The following LAMA2 variants were observed in gnomAD, a reference collection of about 807,000 sequenced individuals.
The protein encoded by LAMA2 is laminin subunit alpha 2, also known as laminin subunit alpha-2.
In LAMA2, 269 loss-of-function variants were observed where a neutral mutation model predicts 364.8. The observed-to-expected ratio is 0.74, with a 90% CI of 0.67 to 0.82. LAMA2 has a LOEUF of 0.82. Among genes scored for constraint, LAMA2 ranks in the 40% least tolerant of loss-of-function variants. The pLI is 0.00. For synonymous variants in LAMA2, 1,379 were observed against 1,370.6 expected (o/e 1.01, Z -0.14); for missense variants, 3,807 against 3,873.2 (o/e 0.98, Z 0.45).
chr6:129,504,911 C>G (rs1241325339), intron 60 of LAMA2, among the ~76,000 whole-genome samples: 1 of 152,208 alleles, frequency 6.6e-6, no homozygotes, highest in Non-Finnish European at 1.5e-5. Context: ...ACATTCCTCC[C>G]TCTCCACACA....
chr6:129,315,568 GATT>G lies in LAMA2; in HGVS notation c.3649_3651del (p.Ile1217del). 1 of 1,614,170 alleles carries G rather than the reference GATT, an allele frequency of 6.2e-7. No homozygotes were observed. The highest frequency in any genetic ancestry group is 8.5e-7 in the Non-Finnish European group (1 of 1,180,008). Reference sequence around the variant, plus strand: ...AGGGCATTGTTTTTCAACATCCAGAGATTGTTGCCCACATGGACCTGATGAGAG... The same window carrying G: ...AGGGCATTGTTTTTCAACATCCAGAGGTTGCCCACATGGACCTGATGAGAG... On this transcript the variant is annotated inframe_deletion, in exon 25 of 65. Transcript: ENST00000421865.
At chr6:129,291,048 AAACT>A (rs1789659962) in intron 19 of LAMA2, among the ~76,000 whole-genome samples, 1 of 152,228 alleles carries the variant, frequency 6.6e-6, no homozygotes, top group Non-Finnish European at 1.5e-5. Flanking sequence ...TAAATCAAAA[AAACT>A]AACTAAATTT....
chr6:129,121,657 G>A (rs779028053), intron 4 of LAMA2, among the ~76,000 whole-genome samples: 1 of 152,108 alleles, frequency 6.6e-6, no homozygotes, highest in Non-Finnish European at 1.5e-5. Context: ...AAGTCATCTT[G>A]TTAGTGAATC....
chr6:128,915,084 G>A (rs1199350394), intron 1 of LAMA2, among the ~76,000 whole-genome samples: 1 of 152,140 alleles, frequency 6.6e-6, no homozygotes, highest in Non-Finnish European at 1.5e-5. Flanking sequence ...GTAGAGATAA[G>A]GTTGAGATGG....
intron 32 of LAMA2, among the ~76,000 whole-genome samples, chr6:129,360,623 C>G (rs1159383191): frequency 1.3e-5 from 2 of 152,048 alleles, no homozygotes; most frequent in South Asian, 4.1e-4. Flanking sequence ...ACTTTGTTCC[C>G]CAAAAAGCAA....
At chr6:129,505,571 C>T (rs978326006) in intron 61 of LAMA2, among the ~76,000 whole-genome samples, 6 of 152,026 alleles carry the variant, frequency 3.9e-5, no homozygotes, top group African/African-American at 9.7e-5. Context: ...TGCAGTGGTG[C>T]GATCTTGGCT....
intron 37 of LAMA2, among the ~76,000 whole-genome samples, chr6:129,396,204 C>T (rs1779608234): frequency 6.6e-6 from 1 of 152,164 alleles, no homozygotes; most frequent in Admixed American, 6.5e-5. Flanking sequence ...CCTACCATAT[C>T]AAGGTACTGT....
In LAMA2 at chr6:129,512,486, A is replaced by G. The variant is rs980148104; in HGVS notation, c.8981A>G (p.Asp2994Gly). The part of the protein sequence containing the change: ...KMDGMGIEMI[D>G]EKLMFHVDNG... ...GATGGAATGGGTATTGAAATGATTG[A>G]TGAAAAGGTGAGTGTCAGCAATGCA... is the stretch of plus-strand genomic sequence containing the variant. Residue 2994 changes from aspartate to glycine, a missense_variant, in exon 63 of 65, where the codon GAT (aspartate) becomes GGT (glycine). By Grantham distance (94) the Asp-to-Gly change is moderately conservative (BLOSUM62 -1). This residue lies in a region of LAMA2 where 3,333 missense variants were observed against 3,345.7 expected (regional missense o/e 1.00). Coordinates refer to ENST00000421865, the MANE Select transcript of LAMA2 (RefSeq NM_000426.4). 1.2e-6 allele frequency: 2 copies of G among 1,613,544 alleles called. No homozygotes were observed. Among genetic ancestry groups the G allele is most frequent in the South Asian group, 1.1e-5 (1 of 91,066 alleles).
At chr6:129,130,029 C>T (rs1263180286) in intron 4 of LAMA2, among the ~76,000 whole-genome samples, 1 of 151,694 alleles carries the variant, frequency 6.6e-6, no homozygotes, top group African/African-American at 2.4e-5. Context: ...ATTTCAGCTA[C>T]AGCACATTAT....
chr6:129,008,470 C>T (rs914969611), intron 1 of LAMA2, among the ~76,000 whole-genome samples: 1 of 151,980 alleles, frequency 6.6e-6, no homozygotes, highest in Non-Finnish European at 1.5e-5. Flanking sequence ...TTATCATAAC[C>T]CTGGGAGAGT....
intron 1 of LAMA2, among the ~76,000 whole-genome samples, chr6:128,982,824 A>G (rs1782976815): frequency 7.6e-6 from 1 of 132,022 alleles, no homozygotes; most frequent in Non-Finnish European, 1.5e-5. Context: ...ATGTGTTCTC[A>G]TTGTTCAATT....
chr6:129,486,194 G>A (rs1784575793), intron 55 of LAMA2, among the ~76,000 whole-genome samples: 1 of 152,164 alleles, frequency 6.6e-6, no homozygotes, highest in Non-Finnish European at 1.5e-5. Flanking sequence ...ATAAGTTAGA[G>A]GACCAACGCA....
chr6:129,174,983 C>T (rs988037339), intron 9 of LAMA2, among the ~76,000 whole-genome samples: 1 of 152,158 alleles, frequency 6.6e-6, no homozygotes. Context: ...ACATGAAGTA[C>T]TTCTACATTT....
At chr6:129,269,164 G>C (rs1787740654) in intron 16 of LAMA2, among the ~76,000 whole-genome samples, 1 of 152,006 alleles carries the variant, frequency 6.6e-6, no homozygotes, top group South Asian at 2.1e-4. Flanking sequence ...TTCTGCAATA[G>C]TGTAGGTCTA....
chr6:129,445,771 ATC>A lies in LAMA2; in HGVS notation c.6383_6384del (p.Ser2128Ter). The A allele has an allele frequency of 6.2e-7, 1 of 1,613,842 alleles. No individual in the cohort carries two copies. The part of the protein sequence containing the change: ...KELEDNLKKN[I>X]SEIKELINQA... Reference sequence around the variant, plus strand: ...ACTTGAGGATAACCTAAAGAAAAACATCTCTGAGATAAAGGAATTGATAAACC... The same window carrying A: ...ACTTGAGGATAACCTAAAGAAAAACATCTGAGATAAAGGAATTGATAAACC... On this transcript the variant is annotated frameshift_variant, in exon 45 of 65. Transcript: ENST00000421865. LOFTEE classifies it high-confidence loss of function.
At chr6:129,126,419 C>T (rs1275803149) in intron 4 of LAMA2, among the ~76,000 whole-genome samples, 2 of 152,106 alleles carry the variant, frequency 1.3e-5, no homozygotes, top group Non-Finnish European at 2.9e-5. Flanking sequence ...ACGTAAGATA[C>T]CACCTTAGTT....
chr6:129,244,676 T>A (rs1785624976), intron 12 of LAMA2, among the ~76,000 whole-genome samples: 1 of 151,992 alleles, frequency 6.6e-6, no homozygotes, highest in Non-Finnish European at 1.5e-5. Context: ...TTATCCTCAA[T>A]AGGTTATCCC....
chr6:129,492,638 G>A (rs1583877495), intron 58 of LAMA2, among the ~76,000 whole-genome samples, 155 bp downstream of exon 58: 1 of 152,142 alleles, frequency 6.6e-6, no homozygotes, highest in African/African-American at 2.4e-5. Context: ...TTCATTGAAT[G>A]ACTTACCTAT....
At chr6:129,219,043 G>A (rs915420714) in intron 12 of LAMA2, among the ~76,000 whole-genome samples, 13 of 152,022 alleles carry the variant, frequency 8.6e-5, no homozygotes, top group South Asian at 4.1e-4. Context: ...TTAAGACACC[G>A]TAATAATGTC....
Sources: gnomAD v4.1 joint callset for allele counts (sites outside exome capture counted in the v4.1 genomes callset) on GRCh38, gnomAD v4.1.1 for gene constraint, gnomAD v4.1.1 regional missense constraint, MANE v1.5 for transcripts, NCBI Gene and HGNC (gene_info 2026-07-23, HGNC 2026-07-21) for gene names.